Variants in SNX29 observed in about 807,000 individuals in gnomAD.
SNX29 encodes the protein sorting nexin-29.
In SNX29, 78 loss-of-function variants were observed where a neutral mutation model predicts 102.1. The ratio of observed to expected loss-of-function variants is 0.76; its 90% CI spans 0.64 to 0.92. SNX29 has a LOEUF of 0.92. SNX29 is among the 40% of genes least tolerant of loss of function. The pLI is 0.00. For missense variants in SNX29, 1,280 were observed against 1,061.7 expected (o/e 1.21, Z -2.86); for synonymous variants, 580 against 414.5 (o/e 1.40, Z -4.85).
chr16:12,519,192 C>T (rs758644038), intron 19 of SNX29, among the ~76,000 whole-genome samples: 1 of 152,214 alleles, frequency 6.6e-6, no homozygotes, highest in Non-Finnish European at 1.5e-5. Flanking sequence ...GAACATTGCT[C>T]AGGCCATACA....
At chr16:12,100,282 G>A (rs985136119) in intron 11 of SNX29, among the ~76,000 whole-genome samples, 1 of 152,184 alleles carries the variant, frequency 6.6e-6, no homozygotes, top group Non-Finnish European at 1.5e-5. Context: ...GCTGTCCTGT[G>A]CATTGTAGGA....
chr16:12,058,817 T>G (rs1432087081), intron 8 of SNX29, among the ~76,000 whole-genome samples: 33 of 145,774 alleles, frequency 2.3e-4, no homozygotes, highest in Non-Finnish European at 3.8e-4. Context: ...TTTTTTTTTT[T>G]TTTTTTTCTC....
chr16:12,405,733 A>T (rs531040025), intron 18 of SNX29, among the ~76,000 whole-genome samples: 14 of 152,356 alleles, frequency 9.2e-5, no homozygotes, highest in African/African-American at 3.4e-4. Flanking sequence ...TACTTATTTT[A>T]GAATTAAAAA....
chr16:12,055,945 C>T lies in SNX29; in HGVS notation c.1124+3723C>T, dbSNP rs146922301. 9.9e-4 allele frequency among the ~76,000 whole-genome samples: 150 copies of T among 152,160 alleles called. 4 individuals carry two copies. In the East Asian group the frequency reaches 0.027, roughly 28 times the overall value. ...TGGCCCCGGCTGTAGTGCAGTGGTGCGATCTCAGTTCACTGCAACCTCTGC... is the reference window on the plus strand; with the variant it reads ...TGGCCCCGGCTGTAGTGCAGTGGTGTGATCTCAGTTCACTGCAACCTCTGC... On this transcript the variant is annotated intron_variant, in intron 8 of 20. Transcript: ENST00000566228.
intron 20 of SNX29, among the ~76,000 whole-genome samples, chr16:12,528,437 T>C (rs1353860898): frequency 6.6e-6 from 1 of 152,136 alleles, no homozygotes; most frequent in African/African-American, 2.4e-5. Context: ...TGACCTCAGG[T>C]GATCCGCGTA....
chr16:12,537,091 A>T (rs968718569), intron 20 of SNX29, among the ~76,000 whole-genome samples: 3 of 152,220 alleles, frequency 2.0e-5, no homozygotes, highest in Admixed American at 6.5e-5. Context: ...ATGTATCTCC[A>T]CCCACGGTCA....
chr16:12,139,734 C>T (rs1362061698), intron 13 of SNX29, among the ~76,000 whole-genome samples: 2 of 152,052 alleles, frequency 1.3e-5, no homozygotes, highest in Non-Finnish European at 2.9e-5. Context: ...CGCCTATAAT[C>T]CCAGTCCTTT....
chr16:12,159,209 G>A (rs1340547919), intron 13 of SNX29, among the ~76,000 whole-genome samples: 1 of 152,212 alleles, frequency 6.6e-6, no homozygotes, highest in Non-Finnish European at 1.5e-5. Flanking sequence ...ACCCAGCCAA[G>A]TTGATCTCTC....
chr16:12,558,231 G>GC (rs879846481), intron 20 of SNX29, among the ~76,000 whole-genome samples: 3 of 18,718 alleles, frequency 1.6e-4, no homozygotes, highest in East Asian at 6.6e-4. Context: ...CCTCTCTTCA[G>GC]CCCCCCCAGT....
rs774751996 is a variant in SNX29, at chr16:12,364,212, T to TGTTATGTTATGTTAA, written c.1899+7938_1899+7939insGTTATGTTAAGTTAT. On this transcript the variant is annotated intron_variant, in intron 16 of 20. Coordinates refer to ENST00000566228, the MANE Select transcript of SNX29 (RefSeq NM_032167.5). Reference sequence around the variant, plus strand: ...TGTTATGTTATGTTATGTTATGTTATGTTATTTTTGTAGAGGCAGGCTCTC... The same window carrying TGTTATGTTATGTTAA: ...TGTTATGTTATGTTATGTTATGTTATGTTATGTTATGTTAAGTTATTTTTGTAGAGGCAGGCTCTC... Among the ~76,000 whole-genome samples, 1,107 of 150,060 alleles carry TGTTATGTTATGTTAA rather than the reference T, an allele frequency of 7.4e-3. 8 individuals carry two copies. The highest frequency in any genetic ancestry group is 0.016 in the African/African-American group (648 of 40,400).
chr16:12,025,258 T>G (rs2057155604), intron 3 of SNX29, among the ~76,000 whole-genome samples: 1 of 133,554 alleles, frequency 7.5e-6, no homozygotes, highest in Admixed American at 9.5e-5. Context: ...GCCGAGATTG[T>G]GCCATTGCAC....
intron 14 of SNX29, among the ~76,000 whole-genome samples, chr16:12,239,078 G>A (rs2078022937): frequency 6.6e-6 from 1 of 152,198 alleles, no homozygotes; most frequent in Non-Finnish European, 1.5e-5. Context: ...CTTAGTCGGT[G>A]GCACCACTTT....
chr16:12,518,309 C>T (rs1359748360), intron 19 of SNX29, among the ~76,000 whole-genome samples: 1 of 152,208 alleles, frequency 6.6e-6, no homozygotes, highest in Non-Finnish European at 1.5e-5. Flanking sequence ...GGTTTTACTG[C>T]TGCTCACACT....
chr16:12,185,260 C>A (rs1479150057), intron 13 of SNX29, among the ~76,000 whole-genome samples: 1 of 152,042 alleles, frequency 6.6e-6, no homozygotes, highest in Non-Finnish European at 1.5e-5. Flanking sequence ...GGGGAGGGAT[C>A]TTTGGGGGAA....
chr16:12,075,568 C>T (rs995348797), intron 10 of SNX29, among the ~76,000 whole-genome samples: 9 of 152,194 alleles, frequency 5.9e-5, no homozygotes, highest in Non-Finnish European at 1.3e-4. Context: ...TGTCAGTCTG[C>T]CCCTACTGGG....
intron 5 of SNX29, 42 bp from the exon 6 acceptor site, chr16:12,046,342 A>G (rs1452452226): frequency 6.2e-7 from 1 of 1,603,132 alleles, no homozygotes; most frequent in Non-Finnish European, 8.5e-7. Flanking sequence ...GACACAGAGA[A>G]CCACTGCTAA....
chr16:12,128,332 T>C (rs2141400872), intron 12 of SNX29, among the ~76,000 whole-genome samples: 1 of 152,356 alleles, frequency 6.6e-6, no homozygotes, highest in Admixed American at 6.5e-5. Flanking sequence ...TACCATGTTT[T>C]TGTCAGGGAG....
chr16:12,551,513 G>A (rs774624064), intron 20 of SNX29, among the ~76,000 whole-genome samples: 6 of 152,168 alleles, frequency 3.9e-5, no homozygotes, highest in South Asian at 4.1e-4. Context: ...CTCAGCATCA[G>A]GATCTTTTTA....
intron 18 of SNX29, among the ~76,000 whole-genome samples, chr16:12,471,359 T>C (rs2087332520): frequency 1.3e-5 from 2 of 152,244 alleles, no homozygotes; most frequent in South Asian, 4.1e-4. Context: ...ATATAATTGC[T>C]TAATTCTCCT....
Sources: gnomAD v4.1 joint callset for allele counts (sites outside exome capture counted in the v4.1 genomes callset) on GRCh38, gnomAD v4.1.1 for gene constraint, MANE v1.5 for transcripts, NCBI Gene and HGNC (gene_info 2026-07-23, HGNC 2026-07-21) for gene names.